EXOC4: variants seen among roughly 807,000 people sequenced by gnomAD.
EXOC4 encodes SEC8-like 1.
EXOC4 carries 71 observed loss-of-function variants against 107.2 expected under a neutral mutation model. That is an observed-to-expected ratio of 0.66 (90% CI 0.55 to 0.81). The LOEUF (loss-of-function observed/expected upper bound fraction) is 0.81. Ranked by LOEUF, EXOC4 falls within the 30% of genes least tolerant of loss-of-function variation. The probability of loss-of-function intolerance (pLI) is 0.00; values close to 1 mark genes in which losing one functional copy is unlikely to be tolerated. For missense variants in EXOC4, 1,108 were observed against 1,189.6 expected (o/e 0.93, Z 1.01); for synonymous variants, 456 against 441.2 (o/e 1.03, Z -0.42).
At chr7:133,827,513 G>A (rs1563016853) in intron 11 of EXOC4, among the ~76,000 whole-genome samples, 1 of 152,056 alleles carries the variant, frequency 6.6e-6, no homozygotes, top group African/African-American at 2.4e-5. Flanking sequence ...CTAGGGTTTT[G>A]GAATAATAAC....
chr7:133,915,925 A>T (rs1225639850), intron 12 of EXOC4, among the ~76,000 whole-genome samples: 1 of 152,100 alleles, frequency 6.6e-6, no homozygotes, highest in African/African-American at 2.4e-5. Flanking sequence ...CTCATTTCCC[A>T]TGCAAGTGTG....
intron 6 of EXOC4, among the ~76,000 whole-genome samples, chr7:133,370,756 A>G (rs1479471524): frequency 1.3e-5 from 2 of 152,204 alleles, no homozygotes; most frequent in African/African-American, 4.8e-5. Context: ...CATTCTCCTC[A>G]GTGTTGCTCA....
At chr7:133,594,791 C>T (rs930763393) in intron 9 of EXOC4, among the ~76,000 whole-genome samples, 8 of 151,968 alleles carry the variant, frequency 5.3e-5, no homozygotes, top group African/African-American at 1.7e-4. Flanking sequence ...TGCTCCCGGC[C>T]AAGTTTGAGT....
At chr7:133,376,125 C>T (rs1796485092) in intron 7 of EXOC4, among the ~76,000 whole-genome samples, 1 of 152,062 alleles carries the variant, frequency 6.6e-6, no homozygotes, top group African/African-American at 2.4e-5. Context: ...AGAATGTAGA[C>T]ATGCTCTTGG....
At chr7:133,282,352 T>G (rs1794176158) in intron 2 of EXOC4, among the ~76,000 whole-genome samples, 1 of 152,222 alleles carries the variant, frequency 6.6e-6, no homozygotes, top group African/African-American at 2.4e-5. Flanking sequence ...AACTGTGAAG[T>G]TACTAAAACT....
intron 12 of EXOC4, among the ~76,000 whole-genome samples, chr7:133,916,639 C>A (rs1184183810): frequency 6.6e-6 from 1 of 152,024 alleles, no homozygotes; most frequent in Non-Finnish European, 1.5e-5. Flanking sequence ...ACATACATGC[C>A]ATATATATTG....
intron 9 of EXOC4, among the ~76,000 whole-genome samples, chr7:133,624,654 A>T (rs1342103699): frequency 6.6e-6 from 1 of 151,968 alleles, no homozygotes; most frequent in Non-Finnish European, 1.5e-5. Context: ...ATGCAGTGGC[A>T]TGATCTCGGC....
At chr7:133,893,796 A>G (rs200243661) in intron 11 of EXOC4, among the ~76,000 whole-genome samples, 14 of 59,866 alleles carry the variant, frequency 2.3e-4, no homozygotes, top group African/African-American at 1.8e-3. Context: ...CGAGAGATCC[A>G]CTGTTAGTCT....
At chr7:133,331,040 G>A (rs1204569224) in intron 5 of EXOC4, among the ~76,000 whole-genome samples, 1 of 151,880 alleles carries the variant, frequency 6.6e-6, no homozygotes, top group East Asian at 1.9e-4. Context: ...GGTACTATGT[G>A]ATTACTGTTA....
chr7:133,878,784 C>A (rs113546677), intron 11 of EXOC4, among the ~76,000 whole-genome samples: 1 of 151,948 alleles, frequency 6.6e-6, no homozygotes, highest in East Asian at 1.9e-4. Context: ...AGTGCAGTGG[C>A]GCGATCTTGG....
intron 5 of EXOC4, among the ~76,000 whole-genome samples, chr7:133,330,300 C>T (rs941989995): frequency 1.3e-5 from 2 of 152,162 alleles, no homozygotes; most frequent in Non-Finnish European, 2.9e-5. Flanking sequence ...CCAGGTCAAT[C>T]TCAGACTGCT....
At chr7:133,338,321 C>G (rs1009461825) in intron 5 of EXOC4, among the ~76,000 whole-genome samples, 8 of 151,592 alleles carry the variant, frequency 5.3e-5, no homozygotes, top group Non-Finnish European at 1.0e-4. Flanking sequence ...CAGCCGGGCG[C>G]GGTGGCTCAC....
chr7:133,271,998 A>G (rs1255095587), intron 1 of EXOC4, among the ~76,000 whole-genome samples: 1 of 151,982 alleles, frequency 6.6e-6, no homozygotes, highest in African/African-American at 2.4e-5. Context: ...TGTACTTTTT[A>G]TTATGTTATG....
chr7:133,588,472 A>G (rs1227397989), intron 9 of EXOC4, among the ~76,000 whole-genome samples: 1 of 152,250 alleles, frequency 6.6e-6, no homozygotes, highest in Non-Finnish European at 1.5e-5. Flanking sequence ...AAATACTAGC[A>G]GATTTTTTTT....
chr7:133,498,997 A>G (rs1051014369), intron 9 of EXOC4, among the ~76,000 whole-genome samples: 2 of 152,000 alleles, frequency 1.3e-5, no homozygotes, highest in African/African-American at 4.8e-5. Context: ...TAAGAATTTT[A>G]TATCGTGCTT....
chr7:134,088,859 A>C, the EXOC4 span, among the ~76,000 whole-genome samples: 1 of 152,184 alleles, frequency 6.6e-6, no homozygotes, highest in Non-Finnish European at 1.5e-5. Context: ...ACCTACAATA[A>C]GTTTTATTAT....
chr7:134,027,069 T>C (rs1282587096), intron 17 of EXOC4, among the ~76,000 whole-genome samples: 5 of 152,194 alleles, frequency 3.3e-5, no homozygotes, highest in Admixed American at 6.5e-5. Flanking sequence ...AAAATAAAAC[T>C]ATCAAGGTGA....
intron 10 of EXOC4, among the ~76,000 whole-genome samples, chr7:133,802,829 C>G (rs957231687): frequency 8.6e-6 from 1 of 116,640 alleles, no homozygotes; most frequent in African/African-American, 3.5e-5. Flanking sequence ...GCCTGGGCGA[C>G]GAGCGAAACT....
intron 11 of EXOC4, among the ~76,000 whole-genome samples, chr7:133,879,857 A>G (rs113526565): frequency 7.8e-4 from 119 of 152,286 alleles, no homozygotes; most frequent in African/African-American, 1.9e-3. Flanking sequence ...GAGCTCTGCT[A>G]CCAAATACAC....
Sources: gnomAD v4.1 joint callset for allele counts (sites outside exome capture counted in the v4.1 genomes callset) on GRCh38, gnomAD v4.1.1 for gene constraint, MANE v1.5 for transcripts, NCBI Gene and HGNC (gene_info 2026-07-23, HGNC 2026-07-21) for gene names.